TGFB2: variants seen among roughly 807,000 people sequenced by gnomAD.
TGFB2 encodes the protein transforming growth factor beta 2, also known as transforming growth factor beta-2 proprotein.
In TGFB2, 13 loss-of-function variants were observed where a neutral mutation model predicts 42.7. The observed-to-expected ratio is 0.30, with a 90% CI of 0.20 to 0.48. The LOEUF (loss-of-function observed/expected upper bound fraction) is 0.48. Among genes scored for constraint, TGFB2 ranks in the 20% least tolerant of loss-of-function variants. TGFB2 has a pLI of 0.99. For missense variants in TGFB2, 390 were observed against 517.5 expected (o/e 0.75, Z 2.39); for synonymous variants, 193 against 193.6 (o/e 1.00, Z 0.03).
At chr1:218,427,356 T>C (rs1659657715) in intron 2 of TGFB2, among the ~76,000 whole-genome samples, 1 of 152,176 alleles carries the variant, frequency 6.6e-6, no homozygotes, top group Non-Finnish European at 1.5e-5. Flanking sequence ...TTATTATACT[T>C]TAAGTTCTAG....
At chr1:218,408,736 G>T (rs1178634437) in intron 2 of TGFB2, among the ~76,000 whole-genome samples, 1 of 152,136 alleles carries the variant, frequency 6.6e-6, no homozygotes, top group Admixed American at 6.5e-5. Flanking sequence ...TAAAAGAGGA[G>T]GGCTAGAGGA....
In TGFB2 at chr1:218,405,341, C is replaced by T. The variant is rs1481374757; in HGVS notation, c.510+9C>T. ...GGATTGAGCTATATCAGGTAATGTT[C>T]ATTTGTTGTTGTTGTTGTTGTTGTT... On this transcript the variant is annotated intron_variant, in intron 2 of 6. Transcript: ENST00000366930. 2.0e-5 allele frequency: 32 copies of T among 1,597,872 alleles called. No homozygotes were observed. In the East Asian group the frequency reaches 7.2e-4, roughly 36 times the overall value.
intron 1 of TGFB2, among the ~76,000 whole-genome samples, chr1:218,353,620 G>C (rs1656935232): frequency 6.6e-6 from 1 of 152,178 alleles, no homozygotes; most frequent in African/African-American, 2.4e-5. Context: ...CCTTCTGCCT[G>C]GTGTGGTGGC....
chr1:218,419,834 T>A (rs1035078434), intron 2 of TGFB2, among the ~76,000 whole-genome samples: 11 of 152,302 alleles, frequency 7.2e-5, no homozygotes, highest in African/African-American at 2.6e-4. Context: ...ATAATAACCA[T>A]GTAGGTAAAA....
chr1:218,357,219 GA>G (rs569034159), intron 1 of TGFB2, among the ~76,000 whole-genome samples: 2,220 of 111,724 alleles, frequency 0.02, 41 homozygotes, highest in African/African-American at 0.053. Context: ...TCTGAAAAAT[GA>G]AAAAAAAAAA....
chr1:218,369,953 C>T (rs1031399835), intron 1 of TGFB2, among the ~76,000 whole-genome samples: 2 of 152,172 alleles, frequency 1.3e-5, no homozygotes, highest in African/African-American at 4.8e-5. Flanking sequence ...AAGCTTTGAA[C>T]AGGAAGACTT....
chr1:218,438,236 G>A (rs879502419), intron 6 of TGFB2, among the ~76,000 whole-genome samples: 2 of 151,900 alleles, frequency 1.3e-5, no homozygotes, highest in Non-Finnish European at 2.9e-5. Flanking sequence ...ACCCTTTTTA[G>A]AATCAATATG....
chr1:218,430,570 C>G (rs536458219), intron 2 of TGFB2, among the ~76,000 whole-genome samples: 31 of 152,272 alleles, frequency 2.0e-4, no homozygotes, highest in African/African-American at 6.3e-4. Flanking sequence ...CTGGTCACTT[C>G]CTGTATAAAC....
intron 1 of TGFB2, among the ~76,000 whole-genome samples, chr1:218,395,997 G>A (rs1321346995): frequency 6.6e-6 from 1 of 152,004 alleles, no homozygotes; most frequent in African/African-American, 2.4e-5. Context: ...AATGAGAAGG[G>A]GACATAAAAT....
chr1:218,379,121 T>A (rs900877701), intron 1 of TGFB2, among the ~76,000 whole-genome samples: 1 of 93,752 alleles, frequency 1.1e-5, no homozygotes, highest in African/African-American at 4.2e-5. Flanking sequence ...ACATTTTCTT[T>A]CTTTCTTTCT....
At chr1:218,401,819 G>A (rs1658732203) in intron 1 of TGFB2, among the ~76,000 whole-genome samples, 1 of 152,206 alleles carries the variant, frequency 6.6e-6, no homozygotes, top group Non-Finnish European at 1.5e-5. Context: ...TGGAGGGCGG[G>A]AGCCTGCCGC....
chr1:218,372,065 G>A (rs558187120), intron 1 of TGFB2, among the ~76,000 whole-genome samples: 14 of 152,176 alleles, frequency 9.2e-5, no homozygotes, highest in South Asian at 8.3e-4. Flanking sequence ...CTCAGGGCTT[G>A]CAAGTTCATA....
rs748491924 is a variant in TGFB2 at position 218,434,262 on chromosome 1, A to G, written c.643+48A>G. On this transcript the variant is annotated intron_variant, in intron 3 of 6. Transcript: ENST00000366930. ...CCTCCCAAGATGTTCAGTATCCCTA[A>G]GTTACTTTAAATTGATTGCAGATTT... 1.5e-5 allele frequency: 24 copies of G among 1,612,076 alleles called. No individual in the cohort carries two copies. In the East Asian group the frequency reaches 5.3e-4, roughly 36 times the overall value.
rs1660219723 is a variant in TGFB2, at chr1:218,443,417, A to G, written c.*2055A>G. 1 of 152,202 alleles carries G rather than the reference A, an allele frequency of 6.6e-6. No homozygotes were observed. The highest frequency in any genetic ancestry group is 1.5e-5 in the Non-Finnish European group (1 of 68,020). The allele number at this position is 152,202 out of a possible 1,614,324, so 9.4% of individuals were successfully genotyped here. On this transcript the variant is annotated 3_prime_UTR_variant, in exon 7 of 7. Coordinates refer to ENST00000366930, the MANE Select transcript of TGFB2 (RefSeq NM_003238.6). The stretch of plus-strand genomic sequence containing the variant: ...TGATATGGTCTACTTCTTTTTTGGA[A>G]TTTCCTGACCATTAATTAAAGAATT...
In TGFB2 at chr1:218,346,953, G is replaced by C. The variant is rs952595114; in HGVS notation, c.252G>C (p.Arg84=). Reference sequence around the variant, plus strand: ...ACTTGCTCCAGGAGAAGGCGAGCCGGAGGGCGGCCGCCTGCGAGCGCGAGA... The same window carrying C: ...ACTTGCTCCAGGAGAAGGCGAGCCGCAGGGCGGCCGCCTGCGAGCGCGAGA... ...TRDLLQEKAS[R]RAAACERERS... Residue 84 remains arginine (R), a synonymous_variant, in exon 1 of 7, where the codon CGG becomes CGC. Transcript: ENST00000366930. The surrounding 1 kb of genome is among the most constrained non-coding windows in gnomAD (Gnocchi z 4.9). The C allele has an allele frequency of 1.2e-6, 2 of 1,613,902 alleles. No homozygotes were observed. The highest frequency in any genetic ancestry group is 2.7e-5 in the African/African-American group (2 of 74,942).
At chr1:218,349,967 C>A (rs1656817233) in intron 1 of TGFB2, among the ~76,000 whole-genome samples, 1 of 152,178 alleles carries the variant, frequency 6.6e-6, no homozygotes, top group African/African-American at 2.4e-5. Flanking sequence ...TTTTCACGTG[C>A]TGTTAGTTTA....
At position 218,412,590 on chromosome 1, in the gene TGFB2, T is replaced by C. The variant is rs149026367; in HGVS notation, c.510+7258T>C. ...TGAGGCAGCATGGCATAGTATGCAA[T>C]GGTATGGGCGTTGTGACCTAAGCTT... On this transcript the variant is annotated intron_variant, in intron 2 of 6. Transcript: ENST00000366930. 1.7e-3 allele frequency among the ~76,000 whole-genome samples: 252 copies of C among 152,334 alleles called. 3 individuals carry two copies. Among genetic ancestry groups the C allele is most frequent in the Non-Finnish European group, 1.9e-3 (132 of 68,032 alleles).
intron 2 of TGFB2, among the ~76,000 whole-genome samples, chr1:218,418,818 G>A (rs143136585): frequency 6.6e-6 from 1 of 152,114 alleles, no homozygotes; most frequent in Non-Finnish European, 1.5e-5. Context: ...TGCTACACAA[G>A]CTCTCTCTCT....
intron 1 of TGFB2, among the ~76,000 whole-genome samples, chr1:218,383,967 C>T (rs185533830): frequency 4.6e-5 from 7 of 152,308 alleles, no homozygotes; most frequent in South Asian, 2.1e-4. Context: ...TTCCTTTCCA[C>T]GTCACAGAGT....
Sources: allele counts gnomAD v4.1 joint callset (sites outside exome capture counted in the v4.1 genomes callset), GRCh38; gene constraint gnomAD v4.1.1; non-coding constraint Gnocchi (gnomAD v3.1); transcripts MANE v1.5; gene names NCBI Gene and HGNC (gene_info 2026-07-23, HGNC 2026-07-21).